Variants in TAPT1 observed in about 807,000 individuals in gnomAD.
TAPT1 encodes the protein transmembrane anterior posterior transformation protein 1 homolog.
A neutral mutation model predicts 65.6 loss-of-function variants in TAPT1; 28 were observed. That is an observed-to-expected ratio of 0.43 (90% confidence interval 0.32 to 0.59). The LOEUF (loss-of-function observed/expected upper bound fraction) is 0.59, where lower values mean the gene tolerates loss of function less well. Among genes scored for constraint, TAPT1 ranks in the 20% least tolerant of loss-of-function variants. TAPT1 has a pLI of 0.09. For synonymous variants in TAPT1, 278 were observed against 245.2 expected (o/e 1.13, Z -1.25); for missense variants, 563 against 679.9 (o/e 0.83, Z 1.91).
At chr4:16,213,388 T>C (rs1750754203) in intron 2 of TAPT1, among the ~76,000 whole-genome samples, 1 of 152,166 alleles carries the variant, frequency 6.6e-6, no homozygotes, top group South Asian at 2.1e-4. Context: ...ACTGAAACCT[T>C]TAAAAAGGCT....
intron 12 of TAPT1, among the ~76,000 whole-genome samples, chr4:16,167,386 T>C (rs1049350052): frequency 2.0e-5 from 3 of 152,340 alleles, no homozygotes; most frequent in African/African-American, 7.2e-5. Context: ...CAAATACATT[T>C]AGCACATGCA....
At chr4:16,189,427 C>A (rs1439066378) in intron 4 of TAPT1, among the ~76,000 whole-genome samples, 4 of 152,188 alleles carry the variant, frequency 2.6e-5, no homozygotes, top group African/African-American at 9.6e-5. Flanking sequence ...GCTTGGCATG[C>A]AGCAAGTGCC....
rs868399486 is a variant in TAPT1 at position 16,207,979 on chromosome 4, T to C, written c.331-5399A>G. On this transcript the variant is annotated intron_variant, in intron 2 of 13. Transcript: ENST00000405303. ...AAGGTAAAGAAAAGTCAACAGAATA[T>C]TTTCATTTTAGTTTAACCAGATATG... is the stretch of plus-strand genomic sequence containing the variant. 5.8e-4 allele frequency among the ~76,000 whole-genome samples: 89 copies of C among 152,310 alleles called. 1 individual carries two copies. The highest frequency in any genetic ancestry group is 1.1e-3 in the Non-Finnish European group (72 of 68,016).
rs1578498127 is a variant in TAPT1 at position 16,226,466 on chromosome 4, C to G, written c.-9G>C. ...TCGCCGACGCCCGCCATGTTCCGAG[C>G]ACAACAAACTGTCCCCGCCGCCTCC... On this transcript the variant is annotated 5_prime_UTR_variant, in exon 1 of 14. Coordinates refer to ENST00000405303, the MANE Select transcript of TAPT1 (RefSeq NM_153365.3). The G allele has an allele frequency of 1.9e-6, 2 of 1,059,244 alleles. No homozygotes were observed. Among genetic ancestry groups the G allele is most frequent in the East Asian group, 7.2e-5 (1 of 13,898 alleles). 65.6% of individuals were successfully genotyped at this position (1,059,244 alleles called of 1,614,324 possible).
intron 5 of TAPT1, among the ~76,000 whole-genome samples, chr4:16,187,690 G>A (rs1749102027): frequency 6.6e-6 from 1 of 151,972 alleles, no homozygotes; most frequent in Non-Finnish European, 1.5e-5. Flanking sequence ...ATATGTAGGG[G>A]TACACACAAA....
chr4:16,174,393 C>A, intron 10 of TAPT1, 121 bp from the exon 11 acceptor site: 1 of 841,624 alleles, frequency 1.2e-6, no homozygotes, highest in South Asian at 1.8e-5. Context: ...AAGAACAGAA[C>A]CTGGCACTTA....
At chr4:16,174,417 A>G (rs1228267464) in intron 10 of TAPT1, 145 bp from the exon 11 acceptor site, 1 of 762,442 alleles carries the variant, frequency 1.3e-6, no homozygotes, top group East Asian at 2.8e-5. Flanking sequence ...AATGATGTGG[A>G]AATCCAAATG....
At position 16,176,450 on chromosome 4, in the gene TAPT1, C is replaced by T. The variant is rs191951094; in HGVS notation, c.998-222G>A. The T allele has an allele frequency of 7.1e-5, 21 of 294,594 alleles. 1 individual carries two copies. Among genetic ancestry groups the T allele is most frequent in the South Asian group, 4.8e-4 (5 of 10,500 alleles). 18.2% of individuals were successfully genotyped at this position (294,594 alleles called of 1,614,324 possible). ...TACTCAGGCCCGGCGCAGTGGCTCA[C>T]GCCTGTAATCCCAGCATTTTGGATC... On this transcript the variant is annotated intron_variant, in intron 8 of 13. Transcript: ENST00000405303.
chr4:16,220,988 C>T (rs1751218950), intron 1 of TAPT1, among the ~76,000 whole-genome samples: 1 of 151,998 alleles, frequency 6.6e-6, no homozygotes, highest in African/African-American at 2.4e-5. Flanking sequence ...CCCGCCTTGG[C>T]CTCTCCAAGT....
chr4:16,208,211 T>C (rs922138389), intron 2 of TAPT1, among the ~76,000 whole-genome samples: 8 of 152,232 alleles, frequency 5.3e-5, no homozygotes, highest in South Asian at 2.1e-4. Context: ...TTAAATTATA[T>C]ATTAACTATA....
chr4:16,187,993 A>G (rs1749123277), intron 5 of TAPT1, among the ~76,000 whole-genome samples: 1 of 152,202 alleles, frequency 6.6e-6, no homozygotes, highest in Non-Finnish European at 1.5e-5. Context: ...GTTACACTGC[A>G]AACAGAACTG....
chr4:16,182,947 G>A (rs1409957247), intron 7 of TAPT1: 1 of 152,142 alleles, frequency 6.6e-6, no homozygotes, highest in Non-Finnish European at 1.5e-5. Flanking sequence ...CCAGCATGAA[G>A]GACTGAACCT....
chr4:16,195,017 C>T lies in TAPT1; in HGVS notation c.450-3494G>A, dbSNP rs567031334. 1.4e-4 allele frequency among the ~76,000 whole-genome samples: 22 copies of T among 152,196 alleles called. No homozygotes were observed. In the East Asian group the frequency reaches 4.1e-3, roughly 28 times the overall value. On this transcript the variant is annotated intron_variant, in intron 3 of 13. Transcript: ENST00000405303. ...AAAGGGCTGGGATTACAGGCTTGAGCCACCGTGCCCGATAAGGGTCTTGTT... is the reference window on the plus strand; with the variant it reads ...AAAGGGCTGGGATTACAGGCTTGAGTCACCGTGCCCGATAAGGGTCTTGTT...
chr4:16,203,055 T>C lies in TAPT1; in HGVS notation c.331-475A>G, dbSNP rs572075395. On this transcript the variant is annotated intron_variant, in intron 2 of 13. Coordinates refer to ENST00000405303, the MANE Select transcript of TAPT1 (RefSeq NM_153365.3). ...TTGCTGCACTCAGAAGGCCTTATTC[T>C]TAATTCCAGGACCAGCCTCCTAGTG... 1.2e-3 allele frequency among the ~76,000 whole-genome samples: 182 copies of C among 152,338 alleles called. 2 individuals are homozygous for C. Among genetic ancestry groups the C allele is most frequent in the African/African-American group, 4.2e-3 (176 of 41,576 alleles).
intron 7 of TAPT1, among the ~76,000 whole-genome samples, chr4:16,185,265 GTAAGCATGTAATA>G (rs1578434405): frequency 1.3e-5 from 2 of 150,922 alleles, no homozygotes; most frequent in Non-Finnish European, 3.0e-5. Flanking sequence ...TGTTATTTTT[GTAAGCATGTAATA>G]TTTTTATTAA....
chr4:16,183,376 G>A (rs916340095), intron 7 of TAPT1, among the ~76,000 whole-genome samples: 1 of 152,002 alleles, frequency 6.6e-6, no homozygotes, highest in African/African-American at 2.4e-5. Flanking sequence ...CTTGTAGACT[G>A]ATATGCATAC....
At chr4:16,227,013 C>T, upstream of TAPT1, 1 of 451,498 alleles carries the variant, frequency 2.2e-6, no homozygotes. Flanking sequence ...GGGGGCCCGG[C>T]TCCAGATCAC....
chr4:16,220,236 G>C (rs1436438422), intron 1 of TAPT1, among the ~76,000 whole-genome samples: 1 of 151,984 alleles, frequency 6.6e-6, no homozygotes, highest in African/African-American at 2.4e-5. Context: ...TTTACCTATG[G>C]GTATCACCAA....
intron 13 of TAPT1, 26 bp downstream of exon 13, chr4:16,166,607 G>C (rs996229460): frequency 6.2e-7 from 1 of 1,608,148 alleles, no homozygotes; most frequent in African/African-American, 1.3e-5. Context: ...ATGATCCAGG[G>C]AAGTGAAGAA....
Sources: allele counts gnomAD v4.1 joint callset (sites outside exome capture counted in the v4.1 genomes callset), GRCh38; gene constraint gnomAD v4.1.1; transcripts MANE v1.5; gene names NCBI Gene and HGNC (gene_info 2026-07-23, HGNC 2026-07-21).